TRIO: variants seen among roughly 807,000 people sequenced by gnomAD.
TRIO encodes the protein triple functional domain protein.
TRIO carries 58 observed loss-of-function variants against 351.9 expected under a neutral mutation model. That is an observed-to-expected ratio of 0.16 (90% CI 0.13 to 0.21). TRIO has a LOEUF of 0.21. Ranked by LOEUF, TRIO falls within the 10% of genes least tolerant of loss-of-function variation. The probability of loss-of-function intolerance (pLI) is 1.00; values close to 1 mark genes in which losing one functional copy is unlikely to be tolerated. For synonymous variants in TRIO, 1,758 were observed against 1,595.7 expected, an observed-to-expected ratio of 1.10 and a Z score of -2.42; for missense variants, 3,201 against 4,027.8, an observed-to-expected ratio of 0.79 and a Z score of 5.56.
At chr5:14,304,660 G>GA (rs556514343) in intron 8 of TRIO, 68 bp downstream of exon 8, 6,882 of 1,397,096 alleles carry the variant, frequency 4.9e-3, no homozygotes, top group South Asian at 6.4e-3. Context: ...CCGGAAGCTA[G>GA]AAAAAAAAAA....
chr5:14,153,811 C>G (rs545300197), intron 1 of TRIO, among the ~76,000 whole-genome samples: 95 of 152,308 alleles, frequency 6.2e-4, no homozygotes, highest in Non-Finnish European at 1.1e-3. Context: ...TATACAGCAT[C>G]CCACAGCCTC....
chr5:14,296,959 G>A (rs1274592644), intron 6 of TRIO, 113 bp from the exon 7 acceptor site: 2 of 768,416 alleles, frequency 2.6e-6, no homozygotes, highest in African/African-American at 3.5e-5. Context: ...TCCTGGGAGA[G>A]ATGTGATCAC....
At chr5:14,378,171 C>T in intron 20 of TRIO, 44 bp downstream of exon 20, 1 of 1,429,466 alleles carries the variant, frequency 7.0e-7, no homozygotes, top group Non-Finnish European at 9.7e-7. Flanking sequence ...AACTCCCGTG[C>T]TCACACCTGT....
At position 14,177,020 on chromosome 5, in the gene TRIO, A is replaced by C. The variant is rs34384126; in HGVS notation, c.157+33138A>C. Among the ~76,000 whole-genome samples, 200 of 152,334 alleles carry C rather than the reference A, an allele frequency of 1.3e-3. 1 individual carries two copies. Among genetic ancestry groups the C allele is most frequent in the Non-Finnish European group, 2.0e-3 (139 of 68,032 alleles). On this transcript the variant is annotated intron_variant, in intron 1 of 56. Transcript: ENST00000344204. The stretch of plus-strand genomic sequence containing the variant: ...TAAGAATATTCTTAGGTAAGCACAA[A>C]CAACCTGTTTTCAAACACTGTGTGT...
At chr5:14,359,648 C>T in intron 13 of TRIO, 117 bp downstream of exon 13, 5 of 1,214,864 alleles carry the variant, frequency 4.1e-6, no homozygotes, top group Non-Finnish European at 2.3e-6. Context: ...CACACCCCAA[C>T]CCTCTGCACC....
intron 1 of TRIO, among the ~76,000 whole-genome samples, chr5:14,206,679 G>A (rs1380476891): frequency 6.6e-6 from 1 of 152,198 alleles, no homozygotes; most frequent in Non-Finnish European, 1.5e-5. Flanking sequence ...GTGTATGACT[G>A]AAGTACATAT....
chr5:14,380,711 A>G (rs1353910577), intron 20 of TRIO, among the ~76,000 whole-genome samples: 1 of 152,126 alleles, frequency 6.6e-6, no homozygotes, highest in Non-Finnish European at 1.5e-5. Flanking sequence ...TAGCAATCCC[A>G]TTATTGGGTA....
chr5:14,264,687 C>T (rs1795556963), intron 1 of TRIO, among the ~76,000 whole-genome samples: 1 of 152,152 alleles, frequency 6.6e-6, no homozygotes, highest in Non-Finnish European at 1.5e-5. Context: ...CTTCTAGATG[C>T]GTGCACAGCT....
At chr5:14,247,057 T>A (rs369735565) in intron 1 of TRIO, among the ~76,000 whole-genome samples, 2 of 152,338 alleles carry the variant, frequency 1.3e-5, no homozygotes, top group East Asian at 1.9e-4. Flanking sequence ...CACCGCTGTC[T>A]GTCCACCCCC....
intron 9 of TRIO, among the ~76,000 whole-genome samples, chr5:14,329,708 TTAAAGTTTTTAGTTTTTAGC>T (rs1238654990): frequency 6.6e-6 from 1 of 152,224 alleles, no homozygotes; most frequent in Non-Finnish European, 1.5e-5. Flanking sequence ...TTAAAATCTT[TTAAAGTTTTTAGTTTTTAGC>T]TAAAGACATC....
chr5:14,235,273 T>C (rs1363747856), intron 1 of TRIO, among the ~76,000 whole-genome samples: 1 of 152,238 alleles, frequency 6.6e-6, no homozygotes, highest in Non-Finnish European at 1.5e-5. Context: ...ATTATAATAG[T>C]CAACTTCATT....
At chr5:14,499,070 A>ATTTC (rs1757097259) in intron 53 of TRIO, 1 of 161,838 alleles carries the variant, frequency 6.2e-6, no homozygotes. Flanking sequence ...TGCATGGGAA[A>ATTTC]AGCAGGAAAG....
At chr5:14,285,402 T>G (rs1428384428) in intron 3 of TRIO, among the ~76,000 whole-genome samples, 1 of 152,066 alleles carries the variant, frequency 6.6e-6, no homozygotes, top group Non-Finnish European at 1.5e-5. Flanking sequence ...GGCATTTTTT[T>G]GGGGTGTTGA....
chr5:14,234,571 T>TA (rs1025022877), intron 1 of TRIO, among the ~76,000 whole-genome samples: 1 of 152,206 alleles, frequency 6.6e-6, no homozygotes, highest in African/African-American at 2.4e-5. Context: ...GATCTGTACT[T>TA]ACAGAAGCAA....
At chr5:14,491,406 C>T (rs557217729) in intron 48 of TRIO, among the ~76,000 whole-genome samples, 1 of 152,218 alleles carries the variant, frequency 6.6e-6, no homozygotes, top group Non-Finnish European at 1.5e-5. Flanking sequence ...CCCGACAGTA[C>T]CCTCAGTGGA....
chr5:14,143,398 T>A lies in TRIO; in HGVS notation c.-328T>A, dbSNP rs1356667243. The stretch of plus-strand genomic sequence containing the variant: ...GCCGGCGCCCGTGATCCCGGAGGTC[T>A]CGCCGGCCACGGGCCCCCGCCCTCG... On this transcript the variant is annotated 5_prime_UTR_variant, in exon 1 of 57. Coordinates refer to ENST00000344204, the MANE Select transcript of TRIO (RefSeq NM_007118.4). Among the ~76,000 whole-genome samples, 4 of 149,780 alleles carry A rather than the reference T, an allele frequency of 2.7e-5. No individual in the cohort carries two copies. The highest frequency in any genetic ancestry group is 4.9e-5 in the African/African-American group (2 of 40,794).
chr5:14,472,142 C>T (rs1236888087), intron 38 of TRIO, among the ~76,000 whole-genome samples: 1 of 152,200 alleles, frequency 6.6e-6, no homozygotes, highest in African/African-American at 2.4e-5. Flanking sequence ...TAAACGGTTA[C>T]TGAATGTAAC....
At chr5:14,238,474 T>A (rs765731005) in intron 1 of TRIO, among the ~76,000 whole-genome samples, 1 of 152,136 alleles carries the variant, frequency 6.6e-6, no homozygotes. Context: ...CACCAGCCCA[T>A]GTGGGCCCTC....
intron 1 of TRIO, among the ~76,000 whole-genome samples, chr5:14,249,583 GT>G (rs1794624586): frequency 6.6e-6 from 1 of 152,292 alleles, no homozygotes; most frequent in Middle Eastern, 3.4e-3. Context: ...TAAACACCTT[GT>G]TGGATGGTGA....
Sources: allele counts gnomAD v4.1 joint callset (sites outside exome capture counted in the v4.1 genomes callset), GRCh38; gene constraint gnomAD v4.1.1; transcripts MANE v1.5; gene names NCBI Gene and HGNC (gene_info 2026-07-23, HGNC 2026-07-21).